SH3RF2: variants seen among roughly 807,000 people sequenced by gnomAD.
SH3RF2 encodes the protein SH3 domain containing ring finger 2, also known as E3 ubiquitin-protein ligase SH3RF2.
A neutral mutation model predicts 59.0 loss-of-function variants in SH3RF2; 43 were observed. That is an observed-to-expected ratio of 0.73 (90% confidence interval 0.57 to 0.94). The LOEUF is 0.94. SH3RF2 is among the 40% of genes least tolerant of loss of function. The pLI is 0.00. For missense variants in SH3RF2, 930 were observed against 940.1 expected (o/e 0.99, Z 0.14); for synonymous variants, 391 against 391.5 (o/e 1.00, Z 0.01).
chr5:145,973,976 G>C (rs1759187273), intron 2 of SH3RF2, among the ~76,000 whole-genome samples: 1 of 152,150 alleles, frequency 6.6e-6, no homozygotes, highest in East Asian at 1.9e-4. Flanking sequence ...AGGTTCTGTG[G>C]GTCAGGAGTC....
chr5:145,942,448 G>T (rs765920377), intron 2 of SH3RF2, among the ~76,000 whole-genome samples: 19 of 152,128 alleles, frequency 1.2e-4, no homozygotes, highest in Non-Finnish European at 2.5e-4. Flanking sequence ...TTTTCAGCTG[G>T]TGTTGCAAGC....
intron 5 of SH3RF2, among the ~76,000 whole-genome samples, chr5:146,038,936 T>C (rs1022821727): frequency 6.6e-6 from 1 of 152,234 alleles, no homozygotes; most frequent in Non-Finnish European, 1.5e-5. Flanking sequence ...ATTTCAAAGC[T>C]AATTAAGATG....
intron 2 of SH3RF2, among the ~76,000 whole-genome samples, chr5:145,986,731 A>T (rs1211951579): frequency 2.6e-5 from 4 of 152,194 alleles, no homozygotes; most frequent in Non-Finnish European, 5.9e-5. Flanking sequence ...ATGGCTCTAG[A>T]CATATCTTGG....
chr5:146,019,029 T>TAGTTTGCA (rs1761213199), intron 5 of SH3RF2, among the ~76,000 whole-genome samples: 1 of 152,176 alleles, frequency 6.6e-6, no homozygotes, highest in African/African-American at 2.4e-5. Context: ...GTCAAATGCA[T>TAGTTTGCA]AGTTTGCAAA....
chr5:146,048,297 AGAGT>A (rs1267677497), intron 6 of SH3RF2, among the ~76,000 whole-genome samples: 2 of 150,692 alleles, frequency 1.3e-5, no homozygotes, highest in African/African-American at 4.9e-5. Context: ...CCTGGGCCAC[AGAGT>A]GAGACCCTGT....
chr5:146,038,028 A>C (rs1227465721), intron 5 of SH3RF2, among the ~76,000 whole-genome samples: 4 of 152,252 alleles, frequency 2.6e-5, no homozygotes, highest in Non-Finnish European at 5.9e-5. Context: ...GTTTAGCATT[A>C]GAAAATTAAC....
chr5:145,953,502 T>C (rs1758271022), intron 2 of SH3RF2, among the ~76,000 whole-genome samples: 1 of 152,198 alleles, frequency 6.6e-6, no homozygotes, highest in Admixed American at 6.5e-5. Context: ...ATGGTAATTG[T>C]GTTAGGCCAT....
chr5:145,946,826 G>C lies in SH3RF2; in HGVS notation c.378+8520G>C, dbSNP rs138989454. ...TGACAGAAAGGAAGAGGCTCTGAAA[G>C]AATTTGCCACTGAGTTTATGAGTTG... is the stretch of plus-strand genomic sequence containing the variant. On this transcript the variant is annotated intron_variant, in intron 2 of 9. Transcript: ENST00000359120. 9.5e-3 allele frequency among the ~76,000 whole-genome samples: 1,444 copies of C among 152,286 alleles called. 18 individuals carry two copies. The highest frequency in any genetic ancestry group is 0.033 in the African/African-American group (1,368 of 41,542).
chr5:145,969,843 A>G (rs951242833), intron 2 of SH3RF2, among the ~76,000 whole-genome samples: 61 of 152,184 alleles, frequency 4.0e-4, no homozygotes, highest in African/African-American at 1.4e-3. Context: ...GAGGGTGATC[A>G]ATATACACTG....
intron 5 of SH3RF2, among the ~76,000 whole-genome samples, chr5:146,024,083 G>A (rs1761437474): frequency 6.6e-6 from 1 of 152,160 alleles, no homozygotes; most frequent in South Asian, 2.1e-4. Context: ...GTAGACATAT[G>A]CTTTCATCTG....
chr5:146,067,185 T>C (rs1580953675), downstream of SH3RF2, among the ~76,000 whole-genome samples: 1 of 152,096 alleles, frequency 6.6e-6, no homozygotes. Context: ...TGTGTCTTGA[T>C]GAGATGCAGA....
At chr5:145,985,433 C>A (rs939900593) in intron 2 of SH3RF2, among the ~76,000 whole-genome samples, 3 of 152,188 alleles carry the variant, frequency 2.0e-5, no homozygotes, top group African/African-American at 7.2e-5. Flanking sequence ...TCATTCTCCC[C>A]AAGGGCCTGG....
intron 4 of SH3RF2, among the ~76,000 whole-genome samples, chr5:146,010,276 C>T (rs913500402): frequency 2.0e-5 from 3 of 152,156 alleles, no homozygotes; most frequent in African/African-American, 7.2e-5. Flanking sequence ...TCCAGTCTAT[C>T]AGTGATGGAC....
intron 5 of SH3RF2, among the ~76,000 whole-genome samples, chr5:146,022,877 ACACAC>A (rs1561747540): frequency 0.04 from 291 of 7,310 alleles, 4 homozygotes; most frequent in African/African-American, 0.041. Context: ...CCATCTAAAC[ACACAC>A]ACACACACAC....
chr5:146,046,223 C>G (rs753760755), intron 5 of SH3RF2, among the ~76,000 whole-genome samples: 1 of 152,194 alleles, frequency 6.6e-6, no homozygotes, highest in Non-Finnish European at 1.5e-5. Flanking sequence ...ATAGCATACA[C>G]ACATCAATCC....
intron 9 of SH3RF2, among the ~76,000 whole-genome samples, chr5:146,073,376 C>G (rs1209252205): frequency 1.3e-5 from 2 of 152,220 alleles, no homozygotes; most frequent in Non-Finnish European, 2.9e-5. Context: ...AAGGTTGACA[C>G]AGTTTATGAA....
Position 145,942,817 on chromosome 5 carries a change from T to G in SH3RF2, c.378+4511T>G, listed in dbSNP as rs1757868285. Among the ~76,000 whole-genome samples, 6 of 152,290 alleles carry G rather than the reference T, an allele frequency of 3.9e-5. No individual in the cohort carries two copies. In the South Asian group the frequency reaches 1.2e-3, roughly 32 times the overall value. On this transcript the variant is annotated intron_variant, in intron 2 of 9. Transcript: ENST00000359120. ...CCCCACACTGGCACTGCCTTCAATC[T>G]CTCTCAGTGTACCTCTTTTCTAGTT... is the stretch of plus-strand genomic sequence containing the variant.
chr5:145,998,291 A>T (rs1446314437), intron 2 of SH3RF2, among the ~76,000 whole-genome samples: 1 of 152,030 alleles, frequency 6.6e-6, no homozygotes, highest in East Asian at 1.9e-4. Flanking sequence ...TAAAAAAAAA[A>T]AAAAAAAGAC....
At chr5:146,071,579 C>G (rs1763242758) in intron 9 of SH3RF2, among the ~76,000 whole-genome samples, 1 of 152,174 alleles carries the variant, frequency 6.6e-6, no homozygotes, top group African/African-American at 2.4e-5. Flanking sequence ...GGGCCTCCAA[C>G]AGAGAACTAA....
Sources: allele counts gnomAD v4.1 joint callset (sites outside exome capture counted in the v4.1 genomes callset), GRCh38; gene constraint gnomAD v4.1.1; transcripts MANE v1.5; gene names NCBI Gene and HGNC (gene_info 2026-07-23, HGNC 2026-07-21).